MAGI3: variants seen among roughly 807,000 people sequenced by gnomAD.
MAGI3 encodes the protein membrane associated guanylate kinase, WW and PDZ domain containing 3.
Under a neutral mutation model 121.8 loss-of-function variants are expected in MAGI3, and 43 were observed. That is an observed-to-expected ratio of 0.35 (90% CI 0.28 to 0.46). The LOEUF (loss-of-function observed/expected upper bound fraction) is 0.46, where lower values mean the gene tolerates loss of function less well. MAGI3 is among the 20% of genes least tolerant of loss of function. The pLI, the probability that MAGI3 is intolerant of heterozygous loss-of-function variation, is 1.00. For synonymous variants in MAGI3, 553 were observed against 639.3 expected, an observed-to-expected ratio of 0.86 and a Z score of 2.04; for missense variants, 1,547 against 1,797.3, an observed-to-expected ratio of 0.86 and a Z score of 2.52.
chr1:113,593,068 T>C (rs1204806086), intron 5 of MAGI3, among the ~76,000 whole-genome samples: 2 of 152,160 alleles, frequency 1.3e-5, no homozygotes, highest in Admixed American at 6.5e-5. Context: ...GCTAGTATTA[T>C]ACCTGGCAGT....
At chr1:113,512,929 C>T (rs931930844) in intron 1 of MAGI3, among the ~76,000 whole-genome samples, 1 of 152,180 alleles carries the variant, frequency 6.6e-6, no homozygotes, top group Admixed American at 6.5e-5. Flanking sequence ...TCAGCAAAGT[C>T]TCAGGATACA....
chr1:113,580,876 A>T, intron 3 of MAGI3: 1 of 338,050 alleles, frequency 3.0e-6, no homozygotes, highest in Non-Finnish European at 5.3e-6. Context: ...TTTAAAGTTG[A>T]TTGTGAACAG....
At chr1:113,396,953 G>C (rs541983087) in intron 1 of MAGI3, among the ~76,000 whole-genome samples, 1 of 152,072 alleles carries the variant, frequency 6.6e-6, no homozygotes, top group Non-Finnish European at 1.5e-5. Flanking sequence ...TGTGCTATTC[G>C]AAAAAGTAGT....
chr1:113,659,183 TGTTGAA>T lies in MAGI3; in HGVS notation c.2734_2739del (p.Val912_Glu913del). The T allele has an allele frequency of 6.2e-7, 1 of 1,614,058 alleles. No individual in the cohort carries two copies. Among genetic ancestry groups the T allele is most frequent in the Non-Finnish European group, 8.5e-7 (1 of 1,179,956 alleles). On this transcript the variant is annotated inframe_deletion, in exon 16 of 21. Transcript: ENST00000307546. ...TCTCTGCAGTGAATGGGCAGTCCAT[TGTTGAA>T]CTGTCTCATGATAACATTGTTCAGC...
chr1:113,477,112 G>A (rs973477108), intron 1 of MAGI3, among the ~76,000 whole-genome samples: 6 of 151,064 alleles, frequency 4.0e-5, no homozygotes, highest in South Asian at 2.1e-4. Context: ...TTTTGAGCCC[G>A]TGTGCATCTT....
intron 1 of MAGI3, among the ~76,000 whole-genome samples, chr1:113,429,090 A>T (rs886665409): frequency 6.6e-6 from 1 of 152,260 alleles, no homozygotes; most frequent in Admixed American, 6.5e-5. Flanking sequence ...ATCATAAATC[A>T]GAGTGGTAGT....
chr1:113,407,678 G>A (rs528518172), intron 1 of MAGI3, among the ~76,000 whole-genome samples: 10 of 151,878 alleles, frequency 6.6e-5, no homozygotes, highest in Non-Finnish European at 1.2e-4. Flanking sequence ...CTAAACCTTG[G>A]AGAAAAATAT....
chr1:113,568,832 G>C (rs1660538450), intron 2 of MAGI3, among the ~76,000 whole-genome samples: 1 of 152,000 alleles, frequency 6.6e-6, no homozygotes, highest in African/African-American at 2.4e-5. Flanking sequence ...CAAACCTGTA[G>C]TGCTTTTTAA....
chr1:113,476,375 C>T (rs541315135), intron 1 of MAGI3, among the ~76,000 whole-genome samples: 44 of 152,254 alleles, frequency 2.9e-4, no homozygotes, highest in African/African-American at 1.0e-3. Context: ...ATAAATTTCC[C>T]TCTACACACT....
rs77838398 is a variant in MAGI3, at chr1:113,401,821, C to T, written c.316+10472C>T. Among the ~76,000 whole-genome samples the T allele has an allele frequency of 2.2e-4, 33 of 152,310 alleles. 1 individual carries two copies. The East Asian group carries it at 6.4e-3, about 29-fold the overall frequency. On this transcript the variant is annotated intron_variant, in intron 1 of 20. Coordinates refer to ENST00000307546, the MANE Select transcript of MAGI3 (RefSeq NM_001142782.2). ...TTAGCTAAGCTAGGTAAAAGAATAA[C>T]TCATTGCATTTAAGTAGACCTTTCT... is the stretch of plus-strand genomic sequence containing the variant.
At chr1:113,593,107 G>A (rs939159668) in intron 5 of MAGI3, among the ~76,000 whole-genome samples, 3 of 152,240 alleles carry the variant, frequency 2.0e-5, no homozygotes, top group East Asian at 3.9e-4. Flanking sequence ...GTAGCTCAGC[G>A]GTTACAAAAG....
chr1:113,679,648 A>G (rs1023668722), intron 19 of MAGI3, among the ~76,000 whole-genome samples: 1 of 152,088 alleles, frequency 6.6e-6, no homozygotes, highest in Admixed American at 6.5e-5. Context: ...AGTAAATCAC[A>G]ATGGTACTAA....
chr1:113,651,087 T>C lies in MAGI3; in HGVS notation c.2321T>C (p.Met774Thr). The C allele has an allele frequency of 7.4e-6, 12 of 1,614,194 alleles. No individual in the cohort carries two copies. Among genetic ancestry groups the C allele is most frequent in the Non-Finnish European group, 1.0e-5 (12 of 1,180,040 alleles). The change falls in exon 14 of 21, where the codon ATG becomes ACG. Residue 774 changes from methionine to threonine, a missense_variant. Transcript: ENST00000307546. Reference sequence around the variant, plus strand: ...CGGCTCCGCGCAGCTGATGAACTAATGTGCATTGATGGAATTCCTGTTAAA... The same window carrying C: ...CGGCTCCGCGCAGCTGATGAACTAACGTGCATTGATGGAATTCCTGTTAAA... ...DGRLRAADEL[M>T]CIDGIPVKGK...
At chr1:113,619,882 T>C (rs1285368164) in intron 8 of MAGI3, 52 bp downstream of exon 8, 2 of 1,322,292 alleles carry the variant, frequency 1.5e-6, no homozygotes, top group Non-Finnish European at 2.2e-6. Context: ...GAAATTTGTA[T>C]GCTGAGTTAA....
chr1:113,437,699 T>C (rs979896299), intron 1 of MAGI3, among the ~76,000 whole-genome samples: 1 of 151,852 alleles, frequency 6.6e-6, no homozygotes, highest in African/African-American at 2.4e-5. Context: ...CCTTTTCCCC[T>C]TCCTCCTCGT....
chr1:113,511,803 T>C (rs1161196870), intron 1 of MAGI3, among the ~76,000 whole-genome samples: 1 of 152,232 alleles, frequency 6.6e-6, no homozygotes, highest in East Asian at 1.9e-4. Context: ...GATAGGACAT[T>C]TAATGAATTT....
At chr1:113,462,382 A>T (rs1231328646) in intron 1 of MAGI3, among the ~76,000 whole-genome samples, 1 of 152,248 alleles carries the variant, frequency 6.6e-6, no homozygotes, top group East Asian at 1.9e-4. Flanking sequence ...ATGCAGCCAT[A>T]AAAGAATGAA....
intron 9 of MAGI3, among the ~76,000 whole-genome samples, chr1:113,625,951 TA>T (rs1270609902): frequency 6.6e-6 from 1 of 152,106 alleles, no homozygotes; most frequent in African/African-American, 2.4e-5. Flanking sequence ...GAAATTATTA[TA>T]GTTTTTTTGT....
chr1:113,569,934 T>C lies in MAGI3; in HGVS notation c.434-10608T>C, dbSNP rs943430248. On this transcript the variant is annotated intron_variant, in intron 2 of 20. Coordinates refer to ENST00000307546, the MANE Select transcript of MAGI3 (RefSeq NM_001142782.2). ...ACATGTGCAGAATGTGCAGGTTTGTTGCATAGGTATGCATGTGCCATGGTG... is the reference window on the plus strand; with the variant it reads ...ACATGTGCAGAATGTGCAGGTTTGTCGCATAGGTATGCATGTGCCATGGTG... Among the ~76,000 whole-genome samples the C allele has an allele frequency of 2.6e-5, 4 of 152,220 alleles. No individual in the cohort carries two copies. The South Asian group carries it at 8.3e-4, about 32-fold the overall frequency.
Sources: allele counts gnomAD v4.1 joint callset (sites outside exome capture counted in the v4.1 genomes callset), GRCh38; gene constraint gnomAD v4.1.1; transcripts MANE v1.5; gene names NCBI Gene and HGNC (gene_info 2026-07-23, HGNC 2026-07-21).